The following FAM169A variants were observed in gnomAD, a reference collection of about 807,000 sequenced individuals.
FAM169A encodes family with sequence similarity 169 member A.
Under a neutral mutation model 75.7 loss-of-function variants are expected in FAM169A, and 24 were observed. The ratio of observed to expected loss-of-function variants is 0.32; its 90% CI spans 0.23 to 0.45. FAM169A has a LOEUF of 0.45. Among genes scored for constraint, FAM169A ranks in the 20% least tolerant of loss-of-function variants. The pLI, the probability that FAM169A is intolerant of heterozygous loss-of-function variation, is 1.00. For missense variants in FAM169A, 673 were observed against 784.0 expected (o/e 0.86, Z 1.69); for synonymous variants, 271 against 271.0 (o/e 1.00, Z 0.00).
chr5:74,838,447 A>G (rs1307513692), intron 4 of FAM169A, among the ~76,000 whole-genome samples: 2 of 152,074 alleles, frequency 1.3e-5, no homozygotes, highest in African/African-American at 4.8e-5. Flanking sequence ...TGTCTCTTAA[A>G]CCCTTTCATC....
intron 11 of FAM169A, among the ~76,000 whole-genome samples, chr5:74,784,876 G>A (rs1334879460): frequency 1.5e-5 from 2 of 133,414 alleles, no homozygotes; most frequent in African/African-American, 2.9e-5. Context: ...CCAAGATCGC[G>A]CCACTGCACT....
intron 5 of FAM169A, 103 bp downstream of exon 5, chr5:74,834,323 T>C: frequency 1.7e-6 from 1 of 599,590 alleles, no homozygotes; most frequent in Non-Finnish European, 2.5e-6. Context: ...ATCACCTCAA[T>C]TTGCATGCTA....
At chr5:74,806,138 A>C (rs1746871251) in intron 6 of FAM169A, among the ~76,000 whole-genome samples, 2 of 152,148 alleles carry the variant, frequency 1.3e-5, no homozygotes, top group African/African-American at 4.8e-5. Context: ...GTATTGACAG[A>C]AGGATATATA....
chr5:74,838,114 C>CAAA (rs1169194601), intron 4 of FAM169A, among the ~76,000 whole-genome samples: 1 of 65,506 alleles, frequency 1.5e-5, no homozygotes, highest in Admixed American at 1.7e-4. Flanking sequence ...AACTCCATCC[C>CAAA]AAAAAAAAAA....
At chr5:74,827,285 A>C (rs1748083765) in intron 5 of FAM169A, among the ~76,000 whole-genome samples, 1 of 152,164 alleles carries the variant, frequency 6.6e-6, no homozygotes, top group Admixed American at 6.6e-5. Context: ...TGGACTCTAG[A>C]AACTATAATC....
chr5:74,790,160 A>C (rs913888229), intron 11 of FAM169A, among the ~76,000 whole-genome samples: 4 of 152,180 alleles, frequency 2.6e-5, no homozygotes, highest in African/African-American at 9.7e-5. Context: ...CCTAGCCTGC[A>C]CCGATGGCCT....
intron 1 of FAM169A, among the ~76,000 whole-genome samples, chr5:74,857,892 T>C (rs1749809098): frequency 1.3e-5 from 2 of 152,156 alleles, no homozygotes; most frequent in African/African-American, 2.4e-5. Flanking sequence ...TCCAAGCCAG[T>C]ATGCCATTTT....
At chr5:74,845,732 C>T (rs1749121901) in intron 1 of FAM169A, among the ~76,000 whole-genome samples, 1 of 152,098 alleles carries the variant, frequency 6.6e-6, no homozygotes, top group Admixed American at 6.5e-5. Flanking sequence ...AGTAATACCA[C>T]AAGATTTGCA....
intron 1 of FAM169A, among the ~76,000 whole-genome samples, chr5:74,857,108 CAAAAA>C (rs772315121): frequency 1.5e-5 from 1 of 67,912 alleles, no homozygotes; most frequent in South Asian, 5.5e-4. Flanking sequence ...GACTCCACCT[CAAAAA>C]AAAAAAAAAA....
rs1745323094 is a variant in FAM169A, at chr5:74,779,815, G to GA, written c.*1644dup. 2 of 152,078 alleles carry GA rather than the reference G, an allele frequency of 1.3e-5. No homozygotes were observed. Among genetic ancestry groups the GA allele is most frequent in the Admixed American group, 1.3e-4 (2 of 15,270 alleles). 9.4% of individuals were successfully genotyped at this position (152,078 alleles called of 1,614,324 possible). A position where few individuals can be genotyped will look rare whatever the true frequency, so the allele number is the denominator to read the frequency against. On this transcript the variant is annotated 3_prime_UTR_variant, in exon 13 of 13. Coordinates refer to ENST00000687041, the MANE Select transcript of FAM169A (RefSeq NM_001376049.1). ...TCTGCTTTAAGATTTTAACTTGATC[G>GA]AAAATACCAACATCCCCAAACAAAA... is the stretch of plus-strand genomic sequence containing the variant.
At chr5:74,798,278 G>C (rs535047386) in intron 10 of FAM169A, among the ~76,000 whole-genome samples, 2 of 152,102 alleles carry the variant, frequency 1.3e-5, no homozygotes, top group African/African-American at 4.8e-5. Flanking sequence ...TTTGTTCTTC[G>C]TATGTTTCAG....
At chr5:74,837,586 T>C (rs1475484039) in intron 4 of FAM169A, among the ~76,000 whole-genome samples, 1 of 152,202 alleles carries the variant, frequency 6.6e-6, no homozygotes, top group Non-Finnish European at 1.5e-5. Flanking sequence ...GTTTCTTTTT[T>C]TCCTGCTGCC....
At chr5:74,796,375 CCTT>C (rs1238765303) in intron 10 of FAM169A, among the ~76,000 whole-genome samples, 189 bp from the exon 11 acceptor site, 1 of 151,768 alleles carries the variant, frequency 6.6e-6, no homozygotes, top group African/African-American at 2.4e-5. Flanking sequence ...TAAACTAGAC[CCTT>C]CTTCTTTTAT....
intron 12 of FAM169A, among the ~76,000 whole-genome samples, chr5:74,782,491 A>G (rs1230915159): frequency 1.3e-5 from 2 of 152,214 alleles, no homozygotes; most frequent in Non-Finnish European, 2.9e-5. Flanking sequence ...TTTTTTAGCC[A>G]TAAGTTGTAA....
chr5:74,799,083 C>T (rs947918544), intron 10 of FAM169A: 10 of 987,672 alleles, frequency 1.0e-5, no homozygotes, highest in Admixed American at 5.1e-5. Flanking sequence ...TCAATAATCA[C>T]GAAGTGCACA....
At position 74,801,022 on chromosome 5, in the gene FAM169A, T is replaced by C. The variant is rs1446293286; in HGVS notation, c.961A>G (p.Lys321Glu). Reference sequence around the variant, plus strand: ...CGAGTATGAGTGGAAACAGATGTTTTATCATGACCTGAGGAGAAAAACAGC... The same window carrying C: ...CGAGTATGAGTGGAAACAGATGTTTCATCATGACCTGAGGAGAAAAACAGC... ...AFASTSEGHDKTSVSTHTRSG... is the reference protein window; with the variant it reads ...AFASTSEGHDETSVSTHTRSG... The change falls in exon 10 of 13, where the codon AAA becomes GAA. Residue 321 changes from lysine (K) to glutamate (E), a missense_variant. Coordinates refer to ENST00000687041, the MANE Select transcript of FAM169A (RefSeq NM_001376049.1). The C allele has an allele frequency of 1.4e-5, 21 of 1,547,262 alleles. No individual in the cohort carries two copies. Among genetic ancestry groups the C allele is most frequent in the Non-Finnish European group, 1.8e-5 (21 of 1,148,166 alleles).
chr5:74,802,284 C>G (rs1483076656), intron 8 of FAM169A, among the ~76,000 whole-genome samples: 6 of 151,848 alleles, frequency 4.0e-5, no homozygotes, highest in Non-Finnish European at 7.4e-5. Flanking sequence ...TTCCAACAGC[C>G]TCCTCACTCA....
intron 5 of FAM169A, among the ~76,000 whole-genome samples, chr5:74,815,872 A>C (rs1314940592): frequency 1.3e-5 from 2 of 152,224 alleles, no homozygotes; most frequent in African/African-American, 4.8e-5. Flanking sequence ...AAGTTACCCA[A>C]TATGGTCTGA....
At chr5:74,806,493 C>CA (rs57522442) in intron 6 of FAM169A, among the ~76,000 whole-genome samples, 54,561 of 151,958 alleles carry the variant, frequency 0.36, 12,987 homozygotes, top group African/African-American at 0.68. Flanking sequence ...GGATTCCTTA[C>CA]AAAGACACAA....
Sources: gnomAD v4.1 joint callset for allele counts (sites outside exome capture counted in the v4.1 genomes callset) on GRCh38, gnomAD v4.1.1 for gene constraint, MANE v1.5 for transcripts, NCBI Gene and HGNC (gene_info 2026-07-23, HGNC 2026-07-21) for gene names.